The following PDE7B variants were observed in gnomAD, a reference collection of about 807,000 sequenced individuals.
The protein encoded by PDE7B is phosphodiesterase 7B.
Under a neutral mutation model 56.2 loss-of-function variants are expected in PDE7B, and 29 were observed. That is an observed-to-expected ratio of 0.52 (90% CI 0.38 to 0.70). The LOEUF (loss-of-function observed/expected upper bound fraction) is 0.70, where lower values mean the gene tolerates loss of function less well. Ranked by LOEUF, PDE7B falls within the 30% of genes least tolerant of loss-of-function variation. The pLI is 0.00. For synonymous variants in PDE7B, 197 were observed against 196.9 expected (o/e 1.00, Z 0.00); for missense variants, 490 against 565.0 (o/e 0.87, Z 1.35).
intron 2 of PDE7B, among the ~76,000 whole-genome samples, chr6:136,061,574 A>G (rs1406129000): frequency 6.6e-6 from 1 of 152,220 alleles, no homozygotes; most frequent in Non-Finnish European, 1.5e-5. Flanking sequence ...AGATGTAAAA[A>G]TTGGGACAAC....
chr6:136,166,262 C>G (rs532675763), intron 8 of PDE7B: 1 of 152,322 alleles, frequency 6.6e-6, no homozygotes, highest in Non-Finnish European at 1.5e-5. Context: ...TCCTGCAGAC[C>G]CAGAAATCAA....
At chr6:136,069,115 A>G (rs1777003239) in intron 2 of PDE7B, among the ~76,000 whole-genome samples, 1 of 152,176 alleles carries the variant, frequency 6.6e-6, no homozygotes, top group Non-Finnish European at 1.5e-5. Flanking sequence ...TTACGTTAGA[A>G]TGCCCTTGGC....
chr6:136,068,960 C>T (rs1171119205), intron 2 of PDE7B, among the ~76,000 whole-genome samples: 2 of 152,088 alleles, frequency 1.3e-5, no homozygotes, highest in Non-Finnish European at 2.9e-5. Flanking sequence ...TATCTTATTG[C>T]GACAAAGCAT....
intron 1 of PDE7B, among the ~76,000 whole-genome samples, chr6:135,908,962 A>G (rs1314833697): frequency 6.6e-6 from 1 of 152,208 alleles, no homozygotes; most frequent in Non-Finnish European, 1.5e-5. Context: ...TGCCTTTTTC[A>G]ATTATTATAA....
intron 1 of PDE7B, among the ~76,000 whole-genome samples, chr6:135,911,667 C>A (rs1239203987): frequency 6.6e-6 from 1 of 152,054 alleles, no homozygotes; most frequent in Non-Finnish European, 1.5e-5. Flanking sequence ...TTATTAGGGG[C>A]CAGGCACTGT....
chr6:135,902,476 TAA>T (rs1776021446), intron 1 of PDE7B, among the ~76,000 whole-genome samples: 1 of 152,018 alleles, frequency 6.6e-6, no homozygotes, highest in Non-Finnish European at 1.5e-5. Context: ...ACACATCAAA[TAA>T]AAGAGTCCAT....
At chr6:136,062,036 G>GTGAT (rs1163347593) in intron 2 of PDE7B, among the ~76,000 whole-genome samples, 2 of 152,214 alleles carry the variant, frequency 1.3e-5, no homozygotes, top group African/African-American at 4.8e-5. Context: ...GATGCTTACT[G>GTGAT]TGATAGAGCC....
chr6:136,004,062 A>G (rs1396974475), intron 2 of PDE7B, among the ~76,000 whole-genome samples: 2 of 152,170 alleles, frequency 1.3e-5, no homozygotes, highest in African/African-American at 2.4e-5. Flanking sequence ...ACAAATCAAT[A>G]AATGTAATCC....
intron 3 of PDE7B, among the ~76,000 whole-genome samples, chr6:136,129,177 A>T (rs900705932): frequency 6.6e-6 from 1 of 152,192 alleles, no homozygotes; most frequent in Admixed American, 6.5e-5. Context: ...CCAATCCTTG[A>T]ACCTCATTCT....
intron 2 of PDE7B, among the ~76,000 whole-genome samples, chr6:135,955,583 T>C (rs1240563562): frequency 6.6e-6 from 1 of 152,018 alleles, no homozygotes; most frequent in Non-Finnish European, 1.5e-5. Flanking sequence ...AAATAACCAT[T>C]GAAAGATGTT....
intron 2 of PDE7B, among the ~76,000 whole-genome samples, chr6:136,082,973 T>A (rs189573271): frequency 1.2e-4 from 18 of 152,304 alleles, no homozygotes; most frequent in African/African-American, 4.3e-4. Flanking sequence ...ATATAAAGAT[T>A]GAAGAGGAAT....
At chr6:136,124,230 T>C (rs1416429380) in intron 3 of PDE7B, among the ~76,000 whole-genome samples, 2 of 152,070 alleles carry the variant, frequency 1.3e-5, no homozygotes, top group Non-Finnish European at 2.9e-5. Flanking sequence ...TTAAATTATA[T>C]ATAAAAAATA....
At chr6:135,954,592 T>C (rs1562451280) in intron 2 of PDE7B, among the ~76,000 whole-genome samples, 1 of 152,150 alleles carries the variant, frequency 6.6e-6, no homozygotes, top group Non-Finnish European at 1.5e-5. Flanking sequence ...CTAGGAGTAC[T>C]CTGAAAGTTG....
At chr6:136,102,469 C>T (rs544196733) in intron 2 of PDE7B, among the ~76,000 whole-genome samples, 46 of 152,278 alleles carry the variant, frequency 3.0e-4, no homozygotes, top group African/African-American at 1.1e-3. Flanking sequence ...CCCAGAAATA[C>T]GTGAATGATG....
rs563175880 is a variant in PDE7B, at chr6:136,063,738, T to C, written c.83-44993T>C. On this transcript the variant is annotated intron_variant, in intron 2 of 12. Coordinates refer to ENST00000308191, the MANE Select transcript of PDE7B (RefSeq NM_018945.4). ...AACCGCACAGTTCGTGTTTCTCATA[T>C]TCACTGTTACTTCTGCCTCTGAACG... 1.4e-4 allele frequency among the ~76,000 whole-genome samples: 22 copies of C among 152,302 alleles called. No individual in the cohort carries two copies. The East Asian group carries it at 3.9e-3, about 27-fold the overall frequency.
chr6:136,056,861 G>T (rs572492897), intron 2 of PDE7B, among the ~76,000 whole-genome samples: 116 of 151,428 alleles, frequency 7.7e-4, no homozygotes, highest in Non-Finnish European at 3.4e-4. Context: ...TTGTGGTTCT[G>T]GTTTGTATTC....
chr6:135,862,212 T>C (rs1003395504), intron 1 of PDE7B, among the ~76,000 whole-genome samples: 1 of 151,892 alleles, frequency 6.6e-6, no homozygotes. Flanking sequence ...CTAAGTTTGA[T>C]ATTTTCTATA....
intron 1 of PDE7B, among the ~76,000 whole-genome samples, chr6:135,894,044 A>C (rs764148450): frequency 2.6e-5 from 4 of 152,176 alleles, no homozygotes; most frequent in Non-Finnish European, 1.5e-5. Context: ...CACTAAGGTG[A>C]TAGGTGATGC....
intron 9 of PDE7B, 130 bp downstream of exon 9, chr6:136,174,018 GCTGT>G (rs2128450305): frequency 1.5e-6 from 1 of 677,258 alleles, no homozygotes; most frequent in African/African-American, 1.8e-5. Flanking sequence ...CCTGCACTGA[GCTGT>G]CTATCAGAGG....
Sources: allele counts gnomAD v4.1 joint callset (sites outside exome capture counted in the v4.1 genomes callset), GRCh38; gene constraint gnomAD v4.1.1; transcripts MANE v1.5; gene names NCBI Gene and HGNC (gene_info 2026-07-23, HGNC 2026-07-21).